The following ILRUN variants were observed in gnomAD, a reference collection of about 807,000 sequenced individuals.
The protein encoded by ILRUN is protein ILRUN.
In ILRUN, 3 loss-of-function variants were observed where a neutral mutation model predicts 33.8. The observed-to-expected ratio is 0.09, with a 90% CI of 0.04 to 0.23. The LOEUF is 0.23. ILRUN is among the 10% of genes least tolerant of loss of function. The probability of loss-of-function intolerance (pLI) is 1.00; values close to 1 mark genes in which losing one functional copy is unlikely to be tolerated. For missense variants in ILRUN, 210 were observed against 375.1 expected, an observed-to-expected ratio of 0.56 and a Z score of 3.64; for synonymous variants, 124 against 138.9, an observed-to-expected ratio of 0.89 and a Z score of 0.75.
At chr6:34,683,431 T>TATATATATAC (rs1562032863) in intron 1 of ILRUN, among the ~76,000 whole-genome samples, 27 of 46,388 alleles carry the variant, frequency 5.8e-4, no homozygotes, top group African/African-American at 1.1e-3. Flanking sequence ...TATATATACA[T>TATATATATAC]ATATATATAC....
chr6:34,618,121 T>C (rs1331935457), intron 3 of ILRUN, among the ~76,000 whole-genome samples: 1 of 152,094 alleles, frequency 6.6e-6, no homozygotes, highest in Non-Finnish European at 1.5e-5. Context: ...ATCAGTGCCA[T>C]GGAATTAAGA....
chr6:34,619,716 C>T (rs996590225), intron 3 of ILRUN, among the ~76,000 whole-genome samples: 10 of 152,150 alleles, frequency 6.6e-5, no homozygotes, highest in African/African-American at 1.9e-4. Flanking sequence ...AGTGGCCAGG[C>T]ACAGTGGCTC....
At position 34,654,792 on chromosome 6, in the gene ILRUN, A is replaced by C. The variant is rs942737747; in HGVS notation, c.159-13T>G. ...TGCTTGTAGGTTCCTATAGAAAAAG[A>C]GAAAAGGCAACAGACTTCAGTACTG... is the stretch of plus-strand genomic sequence containing the variant. On this transcript the variant is annotated splice_polypyrimidine_tract_variant and intron_variant, in intron 1 of 4. Coordinates refer to ENST00000374023, the MANE Select transcript of ILRUN (RefSeq NM_024294.4). 6.2e-7 allele frequency: 1 copy of C among 1,605,168 alleles called. No individual in the cohort carries two copies. Among genetic ancestry groups the C allele is most frequent in the Non-Finnish European group, 8.5e-7 (1 of 1,178,970 alleles).
chr6:34,686,523 T>C (rs1763522411), intron 1 of ILRUN: 1 of 158,876 alleles, frequency 6.3e-6, no homozygotes, highest in African/African-American at 2.4e-5. Context: ...AAAGACTTCT[T>C]ACAACTGAAC....
chr6:34,621,948 G>A (rs1023334030), intron 3 of ILRUN, among the ~76,000 whole-genome samples: 1 of 152,142 alleles, frequency 6.6e-6, no homozygotes, highest in African/African-American at 2.4e-5. Context: ...CAAACCTTGT[G>A]TATATGGTCA....
rs1053443116 is a variant in ILRUN, at chr6:34,696,711, C to T, written c.-108G>A. 2 of 1,258,850 alleles carry T rather than the reference C, an allele frequency of 1.6e-6. No homozygotes were observed. The highest frequency in any genetic ancestry group is 4.6e-5 in the Admixed American group (2 of 43,508). 78.0% of individuals were successfully genotyped at this position (1,258,850 alleles called of 1,614,324 possible). ...CCGCTGCTAGCTAGCTTCGCGACCCCGCTCCTTTGAGGTAGGCCCCGGGCC... is the reference window on the plus strand; with the variant it reads ...CCGCTGCTAGCTAGCTTCGCGACCCTGCTCCTTTGAGGTAGGCCCCGGGCC... On this transcript the variant is annotated 5_prime_UTR_variant, in exon 1 of 5. Transcript: ENST00000374023.
intron 3 of ILRUN, among the ~76,000 whole-genome samples, chr6:34,631,023 T>C (rs1010519065): frequency 3.9e-5 from 6 of 152,230 alleles, no homozygotes; most frequent in African/African-American, 1.4e-4. Context: ...ATCTGTTCTT[T>C]CATGTTGTCT....
In ILRUN at chr6:34,658,001, T is replaced by C. The variant is rs1250805854; in HGVS notation, c.159-3222A>G. Among the ~76,000 whole-genome samples, 4 of 152,166 alleles carry C rather than the reference T, an allele frequency of 2.6e-5. No individual in the cohort carries two copies. The East Asian group carries it at 5.8e-4, about 22-fold the overall frequency. On this transcript the variant is annotated intron_variant, in intron 1 of 4. Coordinates refer to ENST00000374023, the MANE Select transcript of ILRUN (RefSeq NM_024294.4). Reference sequence around the variant, plus strand: ...AAATCTAATTTCAGATGGTTAAAAGTACCCTGAAGAACAAACAGAGGCAAC... The same window carrying C: ...AAATCTAATTTCAGATGGTTAAAAGCACCCTGAAGAACAAACAGAGGCAAC...
In ILRUN at chr6:34,592,182, T is replaced by A. The variant is rs1352546812; in HGVS notation, c.862-1582A>T. On this transcript the variant is annotated intron_variant, in intron 4 of 4. Transcript: ENST00000374023. This position sits in a 1 kb window ranked among gnomAD's most constrained non-coding sequence, Gnocchi z 4.0. ...AAACAAAAAATCCTCAGGAGATGAT[T>A]TGGGGAATGGACAGGCCAATACCAA... Among the ~76,000 whole-genome samples, 1 of 152,214 alleles carries A rather than the reference T, an allele frequency of 6.6e-6. No individual in the cohort carries two copies. Among genetic ancestry groups the A allele is most frequent in the African/African-American group, 2.4e-5 (1 of 41,462 alleles).
intron 2 of ILRUN, among the ~76,000 whole-genome samples, chr6:34,650,430 T>TA (rs1491117220): frequency 6.7e-6 from 1 of 149,914 alleles, no homozygotes; most frequent in Admixed American, 6.7e-5. Flanking sequence ...TTTATTTATT[T>TA]ATTTATTTAT....
chr6:34,674,353 C>T (rs139140035), intron 1 of ILRUN, among the ~76,000 whole-genome samples: 145 of 152,266 alleles, frequency 9.5e-4, no homozygotes, highest in African/African-American at 3.3e-3. Context: ...ATCGATTTAC[C>T]TAATTCCCAT....
intron 1 of ILRUN, among the ~76,000 whole-genome samples, chr6:34,691,689 G>A (rs1318775642): frequency 1.4e-4 from 22 of 152,138 alleles, no homozygotes; most frequent in African/African-American, 4.3e-4. Flanking sequence ...CCAGCTACTC[G>A]GGAGGCTGAG....
rs1762631273 is a variant in ILRUN, at chr6:34,650,151, A to G, written c.314-3353T>C. Among the ~76,000 whole-genome samples, 4 of 152,214 alleles carry G rather than the reference A, an allele frequency of 2.6e-5. No homozygotes were observed. The South Asian group carries it at 8.3e-4, about 32-fold the overall frequency. ...CTACAATTGTACAACAGAGCATGGT[A>G]GTATAACAACTGAGAAGCTCTAGGT... is the stretch of plus-strand genomic sequence containing the variant. On this transcript the variant is annotated intron_variant, in intron 2 of 4. Coordinates refer to ENST00000374023, the MANE Select transcript of ILRUN (RefSeq NM_024294.4).
intron 1 of ILRUN, among the ~76,000 whole-genome samples, chr6:34,688,355 A>G (rs1581560650): frequency 6.6e-6 from 1 of 150,996 alleles, no homozygotes; most frequent in African/African-American, 2.4e-5. Context: ...GTTAGCCATG[A>G]TAGCGCCAGT....
At chr6:34,681,063 T>C (rs1292220573) in intron 1 of ILRUN, among the ~76,000 whole-genome samples, 2 of 151,784 alleles carry the variant, frequency 1.3e-5, no homozygotes, top group Non-Finnish European at 2.9e-5. Context: ...AAAAAAAAAG[T>C]AAAAAATAAA....
rs907011246 is a variant in ILRUN at position 34,643,330 on chromosome 6, T to C, written c.511+3271A>G. The stretch of plus-strand genomic sequence containing the variant: ...AAAAAAAAAAGTGCGTGTGTGTGTG[T>C]GTGTTAGTTTTAAGAAACTCAGCCA... On this transcript the variant is annotated intron_variant, in intron 3 of 4. Transcript: ENST00000374023. Among the ~76,000 whole-genome samples, 4 of 150,640 alleles carry C rather than the reference T, an allele frequency of 2.7e-5. No homozygotes were observed. The South Asian group carries it at 8.4e-4, about 31-fold the overall frequency.
rs1205965589 is a variant in ILRUN at position 34,587,704 on chromosome 6, G to C, written c.*2861C>G. On this transcript the variant is annotated 3_prime_UTR_variant, in exon 5 of 5. Coordinates refer to ENST00000374023, the MANE Select transcript of ILRUN (RefSeq NM_024294.4). The stretch of plus-strand genomic sequence containing the variant: ...CTTAAGGTTACAGCCAGTCCTTATG[G>C]GGGAGAGAAGGCTGACTGCTTCTTG... 2 of 187,520 alleles carry C rather than the reference G, an allele frequency of 1.1e-5. No homozygotes were observed. Among genetic ancestry groups the C allele is most frequent in the Non-Finnish European group, 2.2e-5 (2 of 91,418 alleles). The allele number at this position is 187,520 out of a possible 1,614,324, so 11.6% of individuals were successfully genotyped here. A position where few individuals can be genotyped will look rare whatever the true frequency, so the allele number is the denominator to read the frequency against.
At position 34,646,472 on chromosome 6, in the gene ILRUN, G is replaced by C; in HGVS notation, c.511+129C>G. 1.3e-6 allele frequency: 1 copy of C among 751,164 alleles called. No individual in the cohort carries two copies. Among genetic ancestry groups the C allele is most frequent in the Non-Finnish European group, 2.2e-6 (1 of 461,760 alleles). The allele number at this position is 751,164 out of a possible 1,614,324, so 46.5% of individuals were successfully genotyped here. On this transcript the variant is annotated intron_variant, in intron 3 of 4. Transcript: ENST00000374023. The surrounding 1 kb of genome is among the most constrained non-coding windows in gnomAD (Gnocchi z 4.9). Reference sequence around the variant, plus strand: ...GTCATAAAATGCAAATCATTTACCTGCATGAGGTGACTGTTAAAAAGAGGC... The same window carrying C: ...GTCATAAAATGCAAATCATTTACCTCCATGAGGTGACTGTTAAAAAGAGGC...
At chr6:34,621,765 G>A (rs552934432) in intron 3 of ILRUN, among the ~76,000 whole-genome samples, 1 of 152,144 alleles carries the variant, frequency 6.6e-6, no homozygotes, top group East Asian at 1.9e-4. Flanking sequence ...AGGAGGCTGG[G>A]GCAGGAGAAT....
Sources: allele counts gnomAD v4.1 joint callset (sites outside exome capture counted in the v4.1 genomes callset), GRCh38; gene constraint gnomAD v4.1.1; non-coding constraint Gnocchi (gnomAD v3.1); transcripts MANE v1.5; gene names NCBI Gene and HGNC (gene_info 2026-07-23, HGNC 2026-07-21).